Variants in TMTC1 observed in about 807,000 individuals in gnomAD.
TMTC1 encodes protein O-mannosyl-transferase TMTC1.
In TMTC1, 73 loss-of-function variants were observed where a neutral mutation model predicts 104.8. That is an observed-to-expected ratio of 0.70 (90% CI 0.58 to 0.85). TMTC1 has a LOEUF of 0.85. TMTC1 is among the 40% of genes least tolerant of loss of function. TMTC1 has a pLI of 0.00. For missense variants in TMTC1, 1,035 were observed against 1,096.1 expected (o/e 0.94, Z 0.79); for synonymous variants, 434 against 428.7 (o/e 1.01, Z -0.15).
chr12:29,525,158 C>CTT (rs56395403), intron 11 of TMTC1, among the ~76,000 whole-genome samples: 4 of 46,160 alleles, frequency 8.7e-5, no homozygotes, highest in African/African-American at 2.4e-4. Flanking sequence ...CAAGGGCAGT[C>CTT]TTTTTTTTTT....
rs545201873 is a variant in TMTC1, at chr12:29,726,208, G to T, written c.938+25458C>A. On this transcript the variant is annotated intron_variant, in intron 5 of 17. Coordinates refer to ENST00000539277, the MANE Select transcript of TMTC1 (RefSeq NM_001193451.2). ...CCAGAGATGCACAGAATTAAGGAGG[G>T]GGGTGGGAAGCAGCCTGTCTCATGA... 7.8e-4 allele frequency among the ~76,000 whole-genome samples: 119 copies of T among 152,310 alleles called. 1 individual carries two copies. Among genetic ancestry groups the T allele is most frequent in the African/African-American group, 2.7e-3 (113 of 41,554 alleles).
At chr12:29,604,958 T>C (rs954743526) in intron 6 of TMTC1, among the ~76,000 whole-genome samples, 1 of 151,912 alleles carries the variant, frequency 6.6e-6, no homozygotes, top group African/African-American at 2.4e-5. Context: ...TTATTATATA[T>C]CTTTATTTGC....
intron 6 of TMTC1, among the ~76,000 whole-genome samples, chr12:29,625,310 A>C (rs1937921122): frequency 6.6e-6 from 1 of 152,182 alleles, no homozygotes; most frequent in African/African-American, 2.4e-5. Flanking sequence ...CACACAAAAC[A>C]GGATTATTCC....
chr12:29,513,021 A>C (rs1258042761), intron 16 of TMTC1, among the ~76,000 whole-genome samples: 1 of 152,202 alleles, frequency 6.6e-6, no homozygotes, highest in Non-Finnish European at 1.5e-5. Flanking sequence ...AAATGTTATG[A>C]AACTATACCT....
chr12:29,571,965 A>C (rs1945690581), intron 9 of TMTC1, 140 bp downstream of exon 9: 2 of 634,600 alleles, frequency 3.2e-6, no homozygotes, highest in Admixed American at 5.9e-5. Flanking sequence ...CTCAGAGTCC[A>C]AGAGCTACCC....
Position 29,506,972 on chromosome 12 carries a change from A to G in TMTC1, c.2523T>C (p.Ser841=), listed in dbSNP as rs192794251. ...AGGCTCTCTCATAATAAGCTCTTGC[A>G]GACACATATTTTCCCTGGGGGTGGG... The part of the protein sequence containing the change: ...GIQHIKGKYV[S]ARAYYERALQ... Residue 841 remains serine, a synonymous_variant, in exon 18 of 18, where the codon TCT becomes TCC. Coordinates refer to ENST00000539277, the MANE Select transcript of TMTC1 (RefSeq NM_001193451.2). The G allele has an allele frequency of 1.1e-5, 18 of 1,613,892 alleles. 1 individual carries two copies. In the East Asian group the frequency reaches 3.6e-4, roughly 32 times the overall value.
At chr12:29,683,718 T>G (rs1341299575) in intron 5 of TMTC1, among the ~76,000 whole-genome samples, 2 of 152,192 alleles carry the variant, frequency 1.3e-5, no homozygotes, top group Non-Finnish European at 2.9e-5. Context: ...ATAAAAAGAA[T>G]GTAGCATACC....
chr12:29,512,046 G>T lies in TMTC1; in HGVS notation c.2505C>A (p.Ile835=), dbSNP rs763628651. The change falls in exon 17 of 18, where the codon ATC becomes ATA. Residue 835 remains isoleucine, a synonymous_variant. Transcript: ENST00000539277. ...TGGGAGTGAATTATTCTCCTACCTT[G>T]ATGTGTTGGATGCCACCCATGTTCA... The part of the protein sequence containing the change: ...AWMNMGGIQH[I]KGKYVSARAY... 6.2e-7 allele frequency: 1 copy of T among 1,614,054 alleles called. No homozygotes were observed. The highest frequency in any genetic ancestry group is 8.5e-7 in the Non-Finnish European group (1 of 1,179,896).
chr12:29,752,469 A>ACAT (rs2136975023), intron 4 of TMTC1, among the ~76,000 whole-genome samples: 1 of 152,376 alleles, frequency 6.6e-6, no homozygotes, highest in East Asian at 1.9e-4. Flanking sequence ...TAATGCAGTT[A>ACAT]ACGTGCATCT....
At position 29,506,840 on chromosome 12, in the gene TMTC1, G is replaced by A. The variant is rs752334093; in HGVS notation, c.*6C>T. The A allele has an allele frequency of 1.9e-6, 3 of 1,614,038 alleles. No individual in the cohort carries two copies. In the South Asian group the frequency reaches 3.3e-5, roughly 18 times the overall value. On this transcript the variant is annotated 3_prime_UTR_variant, in exon 18 of 18. Transcript: ENST00000539277. ...TTATCCTATGAGGTTGGGTCAGACG[G>A]TGGTGCTATGTTTGATCCTTTTCTC...
intron 6 of TMTC1, among the ~76,000 whole-genome samples, chr12:29,614,188 G>T (rs1456754480): frequency 6.6e-6 from 1 of 152,186 alleles, no homozygotes; most frequent in Non-Finnish European, 1.5e-5. Context: ...GGAAAAAAAG[G>T]TGAGATTTGC....
chr12:29,753,774 G>A (rs1169423198), intron 4 of TMTC1, among the ~76,000 whole-genome samples: 1 of 152,232 alleles, frequency 6.6e-6, no homozygotes, highest in Non-Finnish European at 1.5e-5. Context: ...TGGCTAGGCA[G>A]AATGAGTATG....
rs1032477973 is a variant in TMTC1 at position 29,783,876 on chromosome 12, A to C, written c.-125T>G. The C allele has an allele frequency of 2.1e-6, 2 of 935,242 alleles. No individual in the cohort carries two copies. Among genetic ancestry groups the C allele is most frequent in the Non-Finnish European group, 2.6e-6 (2 of 771,260 alleles). The allele number at this position is 935,242 out of a possible 1,614,324, so 57.9% of individuals were successfully genotyped here. On this transcript the variant is annotated 5_prime_UTR_variant, in exon 1 of 18. Coordinates refer to ENST00000539277, the MANE Select transcript of TMTC1 (RefSeq NM_001193451.2). The surrounding 1 kb of genome is among the most constrained non-coding windows in gnomAD (Gnocchi z 4.7). Reference sequence around the variant, plus strand: ...TCGGGCATGGTGCTGCGGCAGCTGGACCCGCCGCGAGCTCCCCGCGCTCCG... The same window carrying C: ...TCGGGCATGGTGCTGCGGCAGCTGGCCCCGCCGCGAGCTCCCCGCGCTCCG...
chr12:29,636,026 CAA>C (rs1278846719), intron 5 of TMTC1, among the ~76,000 whole-genome samples: 1 of 152,212 alleles, frequency 6.6e-6, no homozygotes, highest in East Asian at 1.9e-4. Context: ...TGGCTAGAGA[CAA>C]TCACTGTTAA....
chr12:29,528,056 A>G (rs1205554280), intron 11 of TMTC1, among the ~76,000 whole-genome samples: 1 of 152,236 alleles, frequency 6.6e-6, no homozygotes, highest in Non-Finnish European at 1.5e-5. Context: ...TAAACAAAAA[A>G]CAAAACACTT....
chr12:29,547,771 CTA>C (rs1944979353), intron 10 of TMTC1, among the ~76,000 whole-genome samples: 1 of 152,156 alleles, frequency 6.6e-6, no homozygotes, highest in African/African-American at 2.4e-5. Flanking sequence ...CATTTGGACT[CTA>C]TGTGTGTACG....
intron 10 of TMTC1, among the ~76,000 whole-genome samples, chr12:29,539,979 C>G (rs1441609629): frequency 3.9e-5 from 6 of 152,182 alleles, no homozygotes; most frequent in Non-Finnish European, 8.8e-5. Context: ...CTGACTTGCC[C>G]AGCTCAAAGC....
chr12:29,698,558 A>C (rs1417378273), intron 5 of TMTC1, among the ~76,000 whole-genome samples: 1 of 152,104 alleles, frequency 6.6e-6, no homozygotes, highest in Non-Finnish European at 1.5e-5. Context: ...CCTTGGTCTT[A>C]TGTTTCTAAG....
intron 6 of TMTC1, among the ~76,000 whole-genome samples, chr12:29,612,002 T>C (rs1946857470): frequency 6.6e-6 from 1 of 152,216 alleles, no homozygotes; most frequent in African/African-American, 2.4e-5. Context: ...CCAGAGAGCA[T>C]GAGAGACTTC....
Sources: allele counts gnomAD v4.1 joint callset (sites outside exome capture counted in the v4.1 genomes callset), GRCh38; gene constraint gnomAD v4.1.1; non-coding constraint Gnocchi (gnomAD v3.1); transcripts MANE v1.5; gene names NCBI Gene and HGNC (gene_info 2026-07-23, HGNC 2026-07-21).